Variants in DDX4 observed in about 807,000 individuals in gnomAD.
The protein encoded by DDX4 is DEAD-box helicase 4, also known as probable ATP-dependent RNA helicase DDX4.
Under a neutral mutation model 100.0 loss-of-function variants are expected in DDX4, and 25 were observed. That is an observed-to-expected ratio of 0.25 (90% CI 0.18 to 0.35). The LOEUF (loss-of-function observed/expected upper bound fraction) is 0.35, where lower values mean the gene tolerates loss of function less well. Ranked by LOEUF, DDX4 falls within the 10% of genes least tolerant of loss-of-function variation. The pLI is 1.00. For synonymous variants in DDX4, 259 were observed against 275.7 expected (o/e 0.94, Z 0.60); for missense variants, 635 against 882.4 (o/e 0.72, Z 3.55).
chr5:55,806,374 A>G (rs1374591213), intron 18 of DDX4, among the ~76,000 whole-genome samples: 2 of 152,010 alleles, frequency 1.3e-5, no homozygotes, highest in Non-Finnish European at 2.9e-5. Context: ...TAGCTTTTGA[A>G]TGTGTTTGCT....
rs113491933 is a variant in DDX4, at chr5:55,738,928, ATTTTT to A, written c.-14-13_-14-9del. The A allele has an allele frequency of 2.6e-6, 2 of 780,660 alleles. No homozygotes were observed. Among genetic ancestry groups the A allele is most frequent in the African/African-American group, 3.5e-5 (2 of 57,386 alleles). 48.4% of individuals were successfully genotyped at this position (780,660 alleles called of 1,614,324 possible). ...CTGATCTAATTGAGTCCAAATGTGC[ATTTTT>A]TTTTTTTTATGAATAGAACTTGAAG... On this transcript the variant is annotated splice_polypyrimidine_tract_variant and intron_variant, in intron 1 of 21. Transcript: ENST00000505374.
At chr5:55,810,214 C>T (rs1580611542) in intron 18 of DDX4, among the ~76,000 whole-genome samples, 1 of 152,050 alleles carries the variant, frequency 6.6e-6, no homozygotes, top group Admixed American at 6.5e-5. Flanking sequence ...AAGCGATTCT[C>T]CTCCCTCAGC....
intron 19 of DDX4, 74 bp from the exon 20 acceptor site, chr5:55,814,827 G>A: frequency 6.7e-7 from 1 of 1,495,912 alleles, no homozygotes. Flanking sequence ...AAAGAAATTT[G>A]TATGTTGAAC....
At chr5:55,747,058 A>G (rs1234109517) in intron 3 of DDX4, among the ~76,000 whole-genome samples, 1 of 152,168 alleles carries the variant, frequency 6.6e-6, no homozygotes, top group Non-Finnish European at 1.5e-5. Context: ...ATTCGAGACC[A>G]GCTTGGGCAA....
At chr5:55,788,657 A>G (rs1742377357) in intron 15 of DDX4, among the ~76,000 whole-genome samples, 1 of 152,174 alleles carries the variant, frequency 6.6e-6, no homozygotes, top group South Asian at 2.1e-4. Flanking sequence ...CTGATTTTTA[A>G]TGACTTTTAA....
At chr5:55,740,498 T>C (rs1298309681) in intron 2 of DDX4, among the ~76,000 whole-genome samples, 1 of 150,246 alleles carries the variant, frequency 6.7e-6, no homozygotes, top group African/African-American at 2.5e-5. Context: ...GATGATAGTA[T>C]ATAACAGTAA....
intron 10 of DDX4, chr5:55,782,210 TATATA>T (rs1741955447): frequency 3.8e-6 from 2 of 523,094 alleles, no homozygotes; most frequent in South Asian, 5.3e-5. Context: ...TTATAGGAAT[TATATA>T]CTATAGATGT....
chr5:55,767,238 C>G (rs1191582030), intron 6 of DDX4, among the ~76,000 whole-genome samples: 2 of 152,160 alleles, frequency 1.3e-5, no homozygotes, highest in African/African-American at 4.8e-5. Flanking sequence ...TTCAGGAATT[C>G]AAGACCAGCC....
intron 2 of DDX4, among the ~76,000 whole-genome samples, chr5:55,743,618 T>C (rs1265043427): frequency 3.3e-5 from 5 of 152,180 alleles, no homozygotes; most frequent in African/African-American, 1.2e-4. Context: ...TTAGTAGAGA[T>C]GGGGTTACAC....
intron 2 of DDX4, chr5:55,742,126 C>A (rs1242463792): frequency 1.3e-5 from 6 of 455,696 alleles, no homozygotes; most frequent in Non-Finnish European, 2.6e-5. Context: ...GGGAATAGAA[C>A]AGCGAAAGAT....
At chr5:55,756,274 C>T (rs1406615922) in intron 3 of DDX4, among the ~76,000 whole-genome samples, 1 of 152,128 alleles carries the variant, frequency 6.6e-6, no homozygotes, top group Non-Finnish European at 1.5e-5. Context: ...GAATCTCATA[C>T]TGCACCCAGA....
chr5:55,770,706 C>A (rs1741202615), intron 7 of DDX4, among the ~76,000 whole-genome samples: 1 of 152,052 alleles, frequency 6.6e-6, no homozygotes, highest in African/African-American at 2.4e-5. Context: ...TTGTGGATTT[C>A]ATAATGAGGG....
At chr5:55,794,282 G>C (rs1423962202) in intron 17 of DDX4, among the ~76,000 whole-genome samples, 1 of 151,438 alleles carries the variant, frequency 6.6e-6, no homozygotes, top group Admixed American at 6.6e-5. Flanking sequence ...CAATCTCCCG[G>C]GTTCAAGCGA....
At chr5:55,784,996 G>C (rs1373413266) in intron 10 of DDX4, among the ~76,000 whole-genome samples, 1 of 152,188 alleles carries the variant, frequency 6.6e-6, no homozygotes, top group Non-Finnish European at 1.5e-5. Flanking sequence ...AACTGGGAAT[G>C]GTCTTGGGGA....
At chr5:55,790,510 C>T in intron 15 of DDX4, 66 bp from the exon 16 acceptor site, 1 of 1,051,810 alleles carries the variant, frequency 9.5e-7, no homozygotes. Context: ...TGTTTTATAT[C>T]TTGTTAGAAA....
At chr5:55,789,228 G>T (rs1010297131) in intron 15 of DDX4, among the ~76,000 whole-genome samples, 1 of 152,174 alleles carries the variant, frequency 6.6e-6, no homozygotes, top group Admixed American at 6.5e-5. Context: ...CCAACATTTA[G>T]TTATCGCTGC....
At chr5:55,767,795 AATTT>A (rs1741015634) in intron 6 of DDX4, 82 bp from the exon 7 acceptor site, 3 of 912,956 alleles carry the variant, frequency 3.3e-6, no homozygotes, top group Non-Finnish European at 5.0e-6. Context: ...TCTTCTTACT[AATTT>A]ATCTTGTGAC....
intron 2 of DDX4, 88 bp from the exon 3 acceptor site, chr5:55,746,076 A>T (rs369972223): frequency 2.0e-6 from 2 of 1,022,178 alleles, no homozygotes; most frequent in African/African-American, 1.6e-5. Context: ...ACAAAGCTCA[A>T]TTGTTATAAT....
chr5:55,809,361 C>T (rs780171744), intron 18 of DDX4, among the ~76,000 whole-genome samples: 15 of 152,104 alleles, frequency 9.9e-5, no homozygotes, highest in Non-Finnish European at 1.8e-4. Context: ...GAGATGAACC[C>T]GGCACCTCAG....
Sources: allele counts gnomAD v4.1 joint callset (sites outside exome capture counted in the v4.1 genomes callset), GRCh38; gene constraint gnomAD v4.1.1; transcripts MANE v1.5; gene names NCBI Gene and HGNC (gene_info 2026-07-23, HGNC 2026-07-21).